NPSR1: variants seen among roughly 807,000 people sequenced by gnomAD.
NPSR1 encodes the protein neuropeptide S receptor 1.
NPSR1 carries 48 observed loss-of-function variants against 46.9 expected under a neutral mutation model. The observed-to-expected ratio is 1.02, with a 90% confidence interval of 0.81 to 1.30. NPSR1 has a LOEUF of 1.30. NPSR1 is among the 50% of genes most tolerant of loss of function. The pLI is 0.00. For missense variants in NPSR1, 450 were observed against 449.5 expected (o/e 1.00, Z -0.01); for synonymous variants, 176 against 168.1 (o/e 1.05, Z -0.36).
chr7:34,660,862 G>A (rs897817078), intron 1 of NPSR1, among the ~76,000 whole-genome samples: 2 of 151,896 alleles, frequency 1.3e-5, no homozygotes, highest in African/African-American at 4.8e-5. Context: ...ATCCCTCCCT[G>A]ACTCATCCCT....
In NPSR1 at chr7:34,782,929, G is replaced by A. The variant is rs1787297150; in HGVS notation, c.384+4364G>A. ...ACCAAAACAAAGAATTAAAGAGAGAGACTGAAATTATTTTTTAATTAAATA... is the reference window on the plus strand; with the variant it reads ...ACCAAAACAAAGAATTAAAGAGAGAAACTGAAATTATTTTTTAATTAAATA... On this transcript the variant is annotated intron_variant, in intron 3 of 8. Transcript: ENST00000360581. 2.0e-5 allele frequency among the ~76,000 whole-genome samples: 3 copies of A among 151,952 alleles called. No individual in the cohort carries two copies. The South Asian group carries it at 6.2e-4, about 31-fold the overall frequency.
At chr7:34,848,831 C>T (rs562342032) in intron 8 of NPSR1, among the ~76,000 whole-genome samples, 168 bp downstream of exon 8, 2 of 152,336 alleles carry the variant, frequency 1.3e-5, no homozygotes, top group African/African-American at 4.8e-5. Flanking sequence ...CTGATTCAAA[C>T]CCTGGCCCAG....
intron 1 of NPSR1, among the ~76,000 whole-genome samples, chr7:34,664,157 T>C (rs10230162): frequency 7.4e-4 from 112 of 152,318 alleles, no homozygotes; most frequent in African/African-American, 2.6e-3. Context: ...TTTTGAGCTT[T>C]CTCCATCATT....
intron 2 of NPSR1, among the ~76,000 whole-genome samples, chr7:34,772,302 A>T (rs1583987271): frequency 6.6e-6 from 1 of 152,202 alleles, no homozygotes; most frequent in East Asian, 1.9e-4. Flanking sequence ...ATAAAAATAA[A>T]CTATTGGAAA....
rs1790874992 is a variant in NPSR1, at chr7:34,849,625, G to T, written c.1086G>T (p.Met362Ile). 1 of 1,614,124 alleles carries T rather than the reference G, an allele frequency of 6.2e-7. No homozygotes were observed. The highest frequency in any genetic ancestry group is 1.7e-5 in the Admixed American group (1 of 60,030). The change falls in exon 9 of 9, where the codon ATG (methionine) becomes ATT (isoleucine). Residue 362 changes from methionine (M) to isoleucine (I), a missense_variant. Coordinates refer to ENST00000360581, the MANE Select transcript of NPSR1 (RefSeq NM_207172.2). ...GGGAGAGAACTGAGAGGCATGAGATGCAGATTCTGTCCAAGCCAGAATTCA... is the reference window on the plus strand; with the variant it reads ...GGGAGAGAACTGAGAGGCATGAGATTCAGATTCTGTCCAAGCCAGAATTCA... ...TFRERTERHE[M>I]QILSKPEFI
At chr7:34,822,268 C>T (rs980310932) in intron 4 of NPSR1, among the ~76,000 whole-genome samples, 4 of 152,048 alleles carry the variant, frequency 2.6e-5, no homozygotes, top group Non-Finnish European at 5.9e-5. Flanking sequence ...GGAGTTTATG[C>T]GGCTCAGCTG....
chr7:34,846,360 C>A (rs1253771316), intron 7 of NPSR1, among the ~76,000 whole-genome samples: 1 of 151,964 alleles, frequency 6.6e-6, no homozygotes, highest in Non-Finnish European at 1.5e-5. Flanking sequence ...CCAAAAGGGC[C>A]CTTTCTATAG....
At chr7:34,819,017 T>C (rs1789406742) in intron 4 of NPSR1, among the ~76,000 whole-genome samples, 1 of 152,076 alleles carries the variant, frequency 6.6e-6, no homozygotes, top group Admixed American at 6.5e-5. Context: ...GGGCAAAGAC[T>C]TCATGACTAA....
At chr7:34,716,148 G>A (rs536299379) in intron 2 of NPSR1, among the ~76,000 whole-genome samples, 2 of 152,204 alleles carry the variant, frequency 1.3e-5, no homozygotes, top group South Asian at 4.1e-4. Context: ...CCCACTTATT[G>A]GAAAACACAC....
intron 2 of NPSR1, among the ~76,000 whole-genome samples, chr7:34,716,737 A>G (rs1406665650): frequency 6.6e-6 from 1 of 151,998 alleles, no homozygotes. Context: ...TCCTCTGTAA[A>G]TGTCCAACAC....
chr7:34,815,580 T>G (rs1340778045), intron 4 of NPSR1, among the ~76,000 whole-genome samples: 1 of 152,060 alleles, frequency 6.6e-6, no homozygotes, highest in African/African-American at 2.4e-5. Flanking sequence ...ACCACAAAGA[T>G]ACTCCTCGAG....
chr7:34,855,604 G>A (rs923062594), intron 8 of NPSR1, among the ~76,000 whole-genome samples: 5 of 151,946 alleles, frequency 3.3e-5, no homozygotes, highest in African/African-American at 1.2e-4. Context: ...AAAATTTAAG[G>A]ACAAAGCAAC....
chr7:34,690,485 A>G (rs972491776), intron 2 of NPSR1, among the ~76,000 whole-genome samples: 1 of 152,174 alleles, frequency 6.6e-6, no homozygotes, highest in Non-Finnish European at 1.5e-5. Context: ...AAAAAATTGA[A>G]AACCAACACA....
chr7:34,811,629 T>A, intron 3 of NPSR1, 141 bp from the exon 4 acceptor site: 1 of 567,498 alleles, frequency 1.8e-6, no homozygotes, highest in Non-Finnish European at 3.1e-6. Flanking sequence ...GTAAGAGAGT[T>A]ATTTCCCTTC....
chr7:34,703,182 A>AC (rs1458629982), intron 2 of NPSR1, among the ~76,000 whole-genome samples: 3 of 152,166 alleles, frequency 2.0e-5, no homozygotes, highest in African/African-American at 7.2e-5. Context: ...ACACGGTGAA[A>AC]CCCCGTCTCT....
chr7:34,780,435 C>A (rs2128737773), intron 3 of NPSR1, among the ~76,000 whole-genome samples: 1 of 152,108 alleles, frequency 6.6e-6, no homozygotes, highest in African/African-American at 2.4e-5. Flanking sequence ...TATCTTTTGA[C>A]ATAGGGAAAA....
intron 2 of NPSR1, among the ~76,000 whole-genome samples, chr7:34,771,670 G>A (rs1035107642): frequency 6.6e-6 from 1 of 152,124 alleles, no homozygotes; most frequent in Non-Finnish European, 1.5e-5. Context: ...AGAAATAAAT[G>A]AAAACAATAA....
At chr7:34,776,435 C>A (rs1030293368) in intron 2 of NPSR1, among the ~76,000 whole-genome samples, 19 of 152,082 alleles carry the variant, frequency 1.2e-4, no homozygotes, top group Admixed American at 1.0e-3. Context: ...GAATTGACCC[C>A]TTTTTCACTA....
At chr7:34,788,050 A>G (rs1787543957) in intron 3 of NPSR1, among the ~76,000 whole-genome samples, 1 of 152,136 alleles carries the variant, frequency 6.6e-6, no homozygotes. Flanking sequence ...ACAATAAAGT[A>G]AATCATGACA....
Sources: gnomAD v4.1 joint callset for allele counts (sites outside exome capture counted in the v4.1 genomes callset) on GRCh38, gnomAD v4.1.1 for gene constraint, MANE v1.5 for transcripts, NCBI Gene and HGNC (gene_info 2026-07-23, HGNC 2026-07-21) for gene names.